The following RBBP7 variants were observed in gnomAD, a reference collection of about 807,000 sequenced individuals.
The protein encoded by RBBP7 is RB binding protein 7, chromatin remodeling factor.
In RBBP7, 5 loss-of-function variants were observed where a neutral mutation model predicts 35.2. That is an observed-to-expected ratio of 0.14 (90% CI 0.07 to 0.30). The LOEUF (loss-of-function observed/expected upper bound fraction) is 0.30, where lower values mean the gene tolerates loss of function less well. RBBP7 is among the 10% of genes least tolerant of loss of function. RBBP7 has a pLI of 1.00. For missense variants in RBBP7, 155 were observed against 327.5 expected (o/e 0.47, Z 4.07); for synonymous variants, 140 against 118.7 (o/e 1.18, Z -1.17).
chrX:16,862,001 A>G (rs1022423398), intron 3 of RBBP7, among the ~76,000 whole-genome samples: 3 of 111,835 alleles, frequency 2.7e-5, no homozygotes, highest in Non-Finnish European at 5.6e-5. Flanking sequence ...CTCAAGTTAC[A>G]GTTGCTGTGG....
intron 3 of RBBP7, among the ~76,000 whole-genome samples, chrX:16,860,676 A>G (rs1930451984): frequency 9.3e-6 from 1 of 107,555 alleles, no homozygotes; most frequent in Admixed American, 9.9e-5. Context: ...TTCGTCTCGA[A>G]AAAAAAAAGA....
At chrX:16,869,569 G>A in intron 1 of RBBP7, 2 of 1,166,622 alleles carry the variant, frequency 1.7e-6, no homozygotes, top group Non-Finnish European at 2.3e-6. Flanking sequence ...TGTAGCAGAA[G>A]CCCACAGGCC....
chrX:16,858,486 CT>C (rs988207975), intron 4 of RBBP7, among the ~76,000 whole-genome samples, 189 bp downstream of exon 4: 2 of 111,958 alleles, frequency 1.8e-5, no homozygotes, highest in Admixed American at 1.9e-4. Context: ...CTGTAATAAA[CT>C]TTAGCTGTTA....
rs1439903737 is a variant in RBBP7, at chrX:16,852,587, G to C, written c.927C>G (p.Leu309=). The change falls in exon 8 of 12, where the codon CTC becomes CTG. Residue 309 remains leucine (L), a synonymous_variant. Coordinates refer to ENST00000380087, the MANE Select transcript of RBBP7 (RefSeq NM_002893.4). ...CATCTTTATGAGATTCGAAGGTATG[G>C]AGTTTTAATTTTAAGTTACGCAGAT... ...LWDLRNLKLK[L]HTFESHKDEI... is the part of the protein sequence containing the mutation. 2 of 1,209,822 alleles carry C rather than the reference G, an allele frequency of 1.7e-6. No individual in the cohort carries two copies. Among genetic ancestry groups the C allele is most frequent in the African/African-American group, 1.8e-5 (1 of 57,102 alleles).
chrX:16,869,592 T>C, intron 1 of RBBP7: 8 of 1,164,792 alleles, frequency 6.9e-6, no homozygotes, highest in Admixed American at 2.6e-5. Context: ...GTCTCTCCAA[T>C]CCCCATCAGG....
At chrX:16,858,122 G>C (rs922721169) in intron 4 of RBBP7, among the ~76,000 whole-genome samples, 2 of 111,337 alleles carry the variant, frequency 1.8e-5, no homozygotes, top group Admixed American at 9.6e-5. Context: ...ATAAAGTTTT[G>C]TAAGCCCAGA....
At chrX:16,849,948 G>T (rs1044341076) in intron 9 of RBBP7, among the ~76,000 whole-genome samples, 33 of 112,047 alleles carry the variant, frequency 2.9e-4, no homozygotes, top group African/African-American at 1.0e-3. Flanking sequence ...ACTTCAATTT[G>T]TAGAATTTGC....
At chrX:16,860,281 A>AGG (rs1569061994) in intron 3 of RBBP7, among the ~76,000 whole-genome samples, 44 of 42,066 alleles carry the variant, frequency 1.0e-3, no homozygotes, top group African/African-American at 2.4e-3. Flanking sequence ...TTAAAAAAAA[A>AGG]AGGGGGGGGG....
chrX:16,869,834 C>G (rs1490595242), intron 1 of RBBP7: 7 of 883,446 alleles, frequency 7.9e-6, no homozygotes, highest in Non-Finnish European at 9.7e-6. Flanking sequence ...CCCTCGGCCC[C>G]GCGCCCGGCT....
intron 3 of RBBP7, among the ~76,000 whole-genome samples, chrX:16,861,721 A>G (rs1930480720): frequency 8.9e-6 from 1 of 111,738 alleles, no homozygotes; most frequent in South Asian, 3.7e-4. Flanking sequence ...GCCATTTGGG[A>G]CTGTGAAGAA....
chrX:16,845,914 T>G lies in RBBP7; in HGVS notation c.1123A>C (p.Lys375Gln). The G allele has an allele frequency of 8.3e-7, 1 of 1,210,961 alleles. No homozygotes were observed. Among genetic ancestry groups the G allele is most frequent in the Non-Finnish European group, 1.1e-6 (1 of 895,168 alleles). ...LLFIHGGHTA[K>Q]ISDFSWNPNE... ...GGGTTCCAGCTAAAATCTGAAATCT[T>G]AGCAGTGTGTCCTCCATGAATAAAC... The change falls in exon 11 of 12, where the codon AAG (lysine) becomes CAG (glutamine). Residue 375 changes from lysine to glutamine, a missense_variant. Physicochemically the swap from Lys to Gln is moderately conservative, Grantham distance 53. Transcript: ENST00000380087.
Position 16,844,909 on chromosome X carries a change from CAG to C in RBBP7, c.*124_*125del. 2 of 509,588 alleles carry C rather than the reference CAG, an allele frequency of 3.9e-6. No homozygotes were observed. The highest frequency in any genetic ancestry group is 7.2e-4 in the Middle Eastern group (2 of 2,791). 42.0% of individuals were successfully genotyped at this position (509,588 alleles called of 1,213,427 possible). ...ACAGCTCACTTGAAAGTGCTAGAAT[CAG>C]AGGATAAAGAAGCCATAAGCCACCC... On this transcript the variant is annotated 3_prime_UTR_variant, in exon 12 of 12. Transcript: ENST00000380087.
chrX:16,867,024 A>G (rs757470091), intron 2 of RBBP7, among the ~76,000 whole-genome samples: 35 of 112,302 alleles, frequency 3.1e-4, no homozygotes, highest in Non-Finnish European at 5.6e-4. Flanking sequence ...TTTTTAAAAA[A>G]AACTTCAGCA....
intron 10 of RBBP7, 141 bp from the exon 11 acceptor site, chrX:16,846,079 A>C: frequency 9.8e-7 from 1 of 1,016,746 alleles, no homozygotes; most frequent in Non-Finnish European, 1.3e-6. Context: ...CAGGCTCAGT[A>C]ATCTATTTAT....
Position 16,844,992 on chromosome X carries a change from A to G in RBBP7, c.*43T>C. The stretch of plus-strand genomic sequence containing the variant: ...TTGGCGCTTGATAAATCAAGCATTC[A>G]TGTAGCATTACATTCAACAGAAACA... On this transcript the variant is annotated 3_prime_UTR_variant, in exon 12 of 12. Coordinates refer to ENST00000380087, the MANE Select transcript of RBBP7 (RefSeq NM_002893.4). 8.9e-7 allele frequency: 1 copy of G among 1,121,417 alleles called. No individual in the cohort carries two copies. Among genetic ancestry groups the G allele is most frequent in the Non-Finnish European group, 1.2e-6 (1 of 815,281 alleles). 92.4% of individuals were successfully genotyped at this position (1,121,417 alleles called of 1,213,427 possible).
intron 3 of RBBP7, 136 bp downstream of exon 3, chrX:16,862,819 G>T: frequency 1.5e-6 from 1 of 659,053 alleles, no homozygotes; most frequent in Non-Finnish European, 2.2e-6. Context: ...TGCACATGTG[G>T]GTGGGAAGTT....
intron 3 of RBBP7, among the ~76,000 whole-genome samples, chrX:16,860,245 G>A (rs1930435886): frequency 1.4e-5 from 1 of 71,740 alleles, no homozygotes; most frequent in South Asian, 1.2e-3. Context: ...GATTCCTTTA[G>A]CTAAAACAAC....
rs780214462 is a variant in RBBP7 at position 16,850,122 on chromosome X, T to C, written c.1041-821A>G. Among the ~76,000 whole-genome samples the C allele has an allele frequency of 4.4e-5, 5 of 112,395 alleles. No individual in the cohort carries two copies. The South Asian group carries it at 1.8e-3, about 41-fold the overall frequency. On this transcript the variant is annotated intron_variant, in intron 9 of 11. Coordinates refer to ENST00000380087, the MANE Select transcript of RBBP7 (RefSeq NM_002893.4). ...AACTAACCAAACAATCTCAAACCTG[T>C]GGGATTGCTAGACAATACTTATCTT... is the stretch of plus-strand genomic sequence containing the variant.
chrX:16,866,536 A>C (rs1231245526), intron 2 of RBBP7, among the ~76,000 whole-genome samples: 1 of 58,492 alleles, frequency 1.7e-5, no homozygotes, highest in Non-Finnish European at 3.0e-5. Context: ...AAAAAAAAAA[A>C]AAAAAAAAAA....
Sources: allele counts gnomAD v4.1 joint callset (sites outside exome capture counted in the v4.1 genomes callset), GRCh38; gene constraint gnomAD v4.1.1; transcripts MANE v1.5; gene names NCBI Gene and HGNC (gene_info 2026-07-23, HGNC 2026-07-21).